Variants in CPEB3 observed in about 807,000 individuals in gnomAD.
The protein encoded by CPEB3 is cytoplasmic polyadenylation element binding protein 3, also known as cytoplasmic polyadenylation element-binding protein 3.
In CPEB3, 20 loss-of-function variants were observed where a neutral mutation model predicts 67.2. That is an observed-to-expected ratio of 0.30 (90% CI 0.21 to 0.43). The LOEUF (loss-of-function observed/expected upper bound fraction) is 0.43, where lower values mean the gene tolerates loss of function less well. Ranked by LOEUF, CPEB3 falls within the 20% of genes least tolerant of loss-of-function variation. The probability of loss-of-function intolerance (pLI) is 1.00; values close to 1 mark genes in which losing one functional copy is unlikely to be tolerated. For synonymous variants in CPEB3, 376 were observed against 393.1 expected, an observed-to-expected ratio of 0.96 and a Z score of 0.51; for missense variants, 746 against 968.6, an observed-to-expected ratio of 0.77 and a Z score of 3.05.
chr10:92,234,819 C>A (rs1023795328), intron 2 of CPEB3, among the ~76,000 whole-genome samples: 26 of 151,836 alleles, frequency 1.7e-4, no homozygotes, highest in Admixed American at 6.6e-5. Context: ...CAGCTACTCA[C>A]GAGGCTGAGG....
rs1477776512 is a variant in CPEB3, at chr10:92,155,131, C to T, written c.1223-10046G>A. Among the ~76,000 whole-genome samples, 4 of 152,152 alleles carry T rather than the reference C, an allele frequency of 2.6e-5. No homozygotes were observed. In the East Asian group the frequency reaches 7.7e-4, roughly 29 times the overall value. ...GGCTGAGGCAGGAGAATCACTTGAA[C>T]CCGTGAGGCGGAGGTTGCAGTGAGC... is the stretch of plus-strand genomic sequence containing the variant. On this transcript the variant is annotated intron_variant, in intron 4 of 9. Transcript: ENST00000265997.
At chr10:92,199,555 G>A (rs958642179) in intron 2 of CPEB3, among the ~76,000 whole-genome samples, 7 of 150,918 alleles carry the variant, frequency 4.6e-5, no homozygotes, top group African/African-American at 7.3e-5. Context: ...GTGGTGGCAC[G>A]CGCCTGTAGT....
At chr10:92,200,917 C>A (rs542975208) in intron 2 of CPEB3, among the ~76,000 whole-genome samples, 16 of 152,238 alleles carry the variant, frequency 1.1e-4, no homozygotes, top group Admixed American at 2.0e-4. Context: ...CTCGGAATTA[C>A]CTGACATGAC....
At chr10:92,283,428 C>A (rs1056435332) in intron 1 of CPEB3, among the ~76,000 whole-genome samples, 2 of 152,174 alleles carry the variant, frequency 1.3e-5, no homozygotes, top group African/African-American at 2.4e-5. Flanking sequence ...CTCCCCACTT[C>A]CGCTGGAGAT....
chr10:92,223,349 C>A (rs976661373), intron 2 of CPEB3, among the ~76,000 whole-genome samples: 12 of 152,140 alleles, frequency 7.9e-5, no homozygotes, highest in African/African-American at 2.9e-4. Context: ...ATATACCCAA[C>A]ACATGGCTTT....
intron 4 of CPEB3, among the ~76,000 whole-genome samples, chr10:92,158,762 T>G (rs1243588203): frequency 6.6e-6 from 1 of 152,214 alleles, no homozygotes; most frequent in Non-Finnish European, 1.5e-5. Flanking sequence ...CCATGCTTAA[T>G]AATACAGTGC....
intron 7 of CPEB3, among the ~76,000 whole-genome samples, chr10:92,110,799 C>T (rs531557967): frequency 2.6e-5 from 4 of 152,154 alleles, no homozygotes; most frequent in African/African-American, 9.7e-5. Flanking sequence ...TTATTTACCT[C>T]GATTCAGAAT....
rs1251349996 is a variant in CPEB3 at position 92,252,934 on chromosome 10, T to C, written c.-11-12573A>G. 2.0e-5 allele frequency among the ~76,000 whole-genome samples: 3 copies of C among 151,368 alleles called. No homozygotes were observed. In the East Asian group the frequency reaches 5.8e-4, roughly 29 times the overall value. On this transcript the variant is annotated intron_variant, in intron 1 of 9. Transcript: ENST00000265997. ...TATATGATTCCACTTAAAGTTCCTT[T>C]TTTTTTTGAGACAGGGTCTCGCTCT...
intron 7 of CPEB3, among the ~76,000 whole-genome samples, chr10:92,095,592 AT>A (rs1843822379): frequency 1.2e-5 from 1 of 81,594 alleles, no homozygotes; most frequent in African/African-American, 6.8e-5. Flanking sequence ...TTATATATAT[AT>A]ATATATATTT....
At chr10:92,128,798 C>A in intron 6 of CPEB3, among the ~76,000 whole-genome samples, 1 of 152,040 alleles carries the variant, frequency 6.6e-6, no homozygotes, top group East Asian at 1.9e-4. Context: ...AATAAGATAC[C>A]ACCTCACACT....
At chr10:92,093,245 C>A (rs1843696916) in intron 7 of CPEB3, among the ~76,000 whole-genome samples, 2 of 152,080 alleles carry the variant, frequency 1.3e-5, no homozygotes, top group Admixed American at 1.3e-4. Flanking sequence ...TGCCATTCCC[C>A]CTCCCCTCCA....
intron 7 of CPEB3, among the ~76,000 whole-genome samples, chr10:92,099,338 G>A (rs1317300752): frequency 6.6e-6 from 1 of 150,452 alleles, no homozygotes; most frequent in African/African-American, 2.4e-5. Context: ...TTTTTGTAGA[G>A]ACAGGGTTTT....
At chr10:92,264,734 T>C (rs1433518958) in intron 1 of CPEB3, among the ~76,000 whole-genome samples, 1 of 137,766 alleles carries the variant, frequency 7.3e-6, no homozygotes, top group South Asian at 2.4e-4. Context: ...AAAAAAAAAA[T>C]CATTTGACTG....
At position 92,160,966 on chromosome 10, in the gene CPEB3, C is replaced by T. The variant is rs146151369; in HGVS notation, c.1223-15881G>A. Among the ~76,000 whole-genome samples, 29 of 152,078 alleles carry T rather than the reference C, an allele frequency of 1.9e-4. 1 individual carries two copies. Among genetic ancestry groups the T allele is most frequent in the African/African-American group, 3.9e-4 (16 of 41,480 alleles). On this transcript the variant is annotated intron_variant, in intron 4 of 9. Coordinates refer to ENST00000265997, the MANE Select transcript of CPEB3 (RefSeq NM_014912.5). ...GTGCAGTGGCAAGATCTCTGCTCAC[C>T]GCAACCTCTGCCTCATGGGCTCAAG...
chr10:92,095,036 G>A (rs982441610), intron 7 of CPEB3, among the ~76,000 whole-genome samples: 2 of 152,084 alleles, frequency 1.3e-5, no homozygotes, highest in African/African-American at 2.4e-5. Context: ...TCAATTAATT[G>A]AGACAGGAAA....
At chr10:92,120,359 A>C (rs1845299669) in intron 6 of CPEB3, among the ~76,000 whole-genome samples, 1 of 150,628 alleles carries the variant, frequency 6.6e-6, no homozygotes, top group African/African-American at 2.4e-5. Context: ...CCGAGGAAGG[A>C]GGATCACGAG....
chr10:92,099,403 C>T (rs1193151762), intron 7 of CPEB3, among the ~76,000 whole-genome samples: 1 of 151,966 alleles, frequency 6.6e-6, no homozygotes, highest in Non-Finnish European at 1.5e-5. Context: ...CTGCCCACCT[C>T]AGCCTCCCAA....
intron 6 of CPEB3, among the ~76,000 whole-genome samples, chr10:92,117,447 A>G (rs1845097445): frequency 6.8e-6 from 1 of 147,780 alleles, no homozygotes; most frequent in African/African-American, 2.5e-5. Flanking sequence ...CTCCTGCCTC[A>G]GCCTCCCGAG....
intron 2 of CPEB3, among the ~76,000 whole-genome samples, chr10:92,220,468 T>C (rs56072007): frequency 0.19 from 28,218 of 151,582 alleles, 3,313 homozygotes; most frequent in East Asian, 0.4. Flanking sequence ...ATGGCATTAA[T>C]AGTAAAGCCT....
Sources: allele counts gnomAD v4.1 joint callset (sites outside exome capture counted in the v4.1 genomes callset), GRCh38; gene constraint gnomAD v4.1.1; transcripts MANE v1.5; gene names NCBI Gene and HGNC (gene_info 2026-07-23, HGNC 2026-07-21).